The following FOXP2 variants were observed in gnomAD, a reference collection of about 807,000 sequenced individuals.
FOXP2 encodes forkhead box protein P2.
Under a neutral mutation model 115.8 loss-of-function variants are expected in FOXP2, and 12 were observed. The observed-to-expected ratio is 0.10, with a 90% CI of 0.07 to 0.17. The LOEUF (loss-of-function observed/expected upper bound fraction) is 0.17, where lower values mean the gene tolerates loss of function less well. Among genes scored for constraint, FOXP2 ranks in the 10% least tolerant of loss-of-function variants. FOXP2 has a pLI of 1.00. For synonymous variants in FOXP2, 328 were observed against 297.7 expected, an observed-to-expected ratio of 1.10 and a Z score of -1.05; for missense variants, 629 against 843.5, an observed-to-expected ratio of 0.75 and a Z score of 3.15.
intron 1 of FOXP2, among the ~76,000 whole-genome samples, chr7:114,415,656 G>A (rs1047930566): frequency 4.0e-5 from 6 of 151,864 alleles, no homozygotes; most frequent in African/African-American, 1.5e-4. Flanking sequence ...ATCTTGAGAA[G>A]AATAAAGACA....
chr7:114,216,690 T>C (rs1016694601), intron 1 of FOXP2, among the ~76,000 whole-genome samples: 2 of 152,130 alleles, frequency 1.3e-5, no homozygotes, highest in African/African-American at 4.8e-5. Flanking sequence ...TCTATGCTAT[T>C]CTATTGTGTG....
At chr7:114,639,507 T>C (rs1805407284) in intron 6 of FOXP2, among the ~76,000 whole-genome samples, 1 of 146,432 alleles carries the variant, frequency 6.8e-6, no homozygotes, top group Non-Finnish European at 1.5e-5. Flanking sequence ...TTAAATGGTT[T>C]CAGAAACTGT....
At chr7:114,088,183 G>A (rs1799464393) in intron 1 of FOXP2, 1 of 147,718 alleles carries the variant, frequency 6.8e-6, no homozygotes, top group African/African-American at 2.5e-5. Context: ...AATCCAGTAA[G>A]TTTCTTGATC....
intron 1 of FOXP2, among the ~76,000 whole-genome samples, chr7:114,271,350 T>C (rs1251028587): frequency 6.6e-6 from 1 of 150,484 alleles, no homozygotes; most frequent in Non-Finnish European, 1.5e-5. Flanking sequence ...CATGCTTGCC[T>C]TGCAATGGAT....
At chr7:114,120,512 A>G (rs1353233714) in intron 1 of FOXP2, among the ~76,000 whole-genome samples, 1 of 152,124 alleles carries the variant, frequency 6.6e-6, no homozygotes, top group Admixed American at 6.6e-5. Flanking sequence ...AAGCTGCCAC[A>G]GTAATCCATG....
At chr7:114,347,401 C>G (rs962251912) in intron 2 of FOXP2, among the ~76,000 whole-genome samples, 14 of 152,038 alleles carry the variant, frequency 9.2e-5, no homozygotes, top group Non-Finnish European at 1.8e-4. Context: ...CACATTCTCA[C>G]TCATTTTTGC....
At chr7:114,625,607 T>A (rs768228829) in intron 3 of FOXP2, among the ~76,000 whole-genome samples, 9 of 151,716 alleles carry the variant, frequency 5.9e-5, no homozygotes, top group Non-Finnish European at 3.0e-5. Context: ...AGCAAGTAAA[T>A]GAAATGGGAC....
chr7:114,659,309 T>C (rs1806752281), intron 11 of FOXP2, 47 bp from the exon 12 acceptor site: 6 of 1,296,048 alleles, frequency 4.6e-6, no homozygotes, highest in Non-Finnish European at 1.1e-6. Context: ...CAATTATATA[T>C]AATGTGAATT....
intron 2 of FOXP2, among the ~76,000 whole-genome samples, chr7:114,518,487 C>A (rs555931563): frequency 6.6e-6 from 1 of 151,776 alleles, no homozygotes; most frequent in Admixed American, 6.6e-5. Flanking sequence ...CAGTAACAGC[C>A]CTTTGACCCA....
At chr7:114,261,182 C>A (rs1452749281) in intron 1 of FOXP2, among the ~76,000 whole-genome samples, 1 of 152,122 alleles carries the variant, frequency 6.6e-6, no homozygotes, top group Non-Finnish European at 1.5e-5. Flanking sequence ...TCTCTTTGAG[C>A]TCATCAAATG....
intron 2 of FOXP2, among the ~76,000 whole-genome samples, chr7:114,364,665 T>C (rs532126467): frequency 3.5e-4 from 53 of 152,306 alleles, no homozygotes; most frequent in Middle Eastern, 3.4e-3. Flanking sequence ...TCTCATATAA[T>C]CTAATTAGTT....
At chr7:114,559,248 T>A (rs577155857) in intron 3 of FOXP2, among the ~76,000 whole-genome samples, 1 of 152,300 alleles carries the variant, frequency 6.6e-6, no homozygotes, top group South Asian at 2.1e-4. Flanking sequence ...ACATGAAAGA[T>A]ACTTGATTAG....
chr7:114,182,103 T>G (rs552395416), intron 1 of FOXP2, among the ~76,000 whole-genome samples: 1 of 152,216 alleles, frequency 6.6e-6, no homozygotes, highest in Admixed American at 6.5e-5. Context: ...CAAAAATATT[T>G]CATATATTTT....
intron 2 of FOXP2, among the ~76,000 whole-genome samples, chr7:114,291,985 A>AATATATATATTATAGATAATATATAGAAT (rs3997265): frequency 0.03 from 985 of 33,198 alleles, 56 homozygotes; most frequent in Non-Finnish European, 0.064. Flanking sequence ...TAATATATAG[A>AATATATATATTATAGATAATATATAGAAT]ATATATATTA....
intron 1 of FOXP2, among the ~76,000 whole-genome samples, chr7:114,145,431 T>TTTTTCCCTTTTCTTTTCTTTTC (rs1191856382): frequency 6.6e-4 from 66 of 100,444 alleles, no homozygotes; most frequent in Non-Finnish European, 1.2e-3. Flanking sequence ...GCTTTGCCAT[T>TTTTTCCCTTTTCTTTTCTTTTC]TTTTCTTTTC....
intron 2 of FOXP2, among the ~76,000 whole-genome samples, chr7:114,329,148 A>G (rs548050846): frequency 6.6e-6 from 1 of 152,186 alleles, no homozygotes; most frequent in African/African-American, 2.4e-5. Flanking sequence ...AGTTATTTTG[A>G]AAAATAAATA....
chr7:114,564,850 C>T (rs1800927112), intron 3 of FOXP2, among the ~76,000 whole-genome samples: 1 of 146,120 alleles, frequency 6.8e-6, no homozygotes, highest in Non-Finnish European at 1.5e-5. Flanking sequence ...CACTGCACTC[C>T]AGCCTTGGCA....
intron 2 of FOXP2, among the ~76,000 whole-genome samples, chr7:114,390,390 G>A (rs1013638859): frequency 6.6e-6 from 1 of 152,046 alleles, no homozygotes; most frequent in Non-Finnish European, 1.5e-5. Flanking sequence ...GAAGACTTGA[G>A]TTGAGAGTAT....
At chr7:114,327,618 C>T (rs1645710563) in intron 2 of FOXP2, among the ~76,000 whole-genome samples, 1 of 151,790 alleles carries the variant, frequency 6.6e-6, no homozygotes, top group African/African-American at 2.4e-5. Context: ...TCTCCTGCCT[C>T]AGCCTCCTGA....
Sources: allele counts gnomAD v4.1 joint callset (sites outside exome capture counted in the v4.1 genomes callset), GRCh38; gene constraint gnomAD v4.1.1; transcripts MANE v1.5; gene names NCBI Gene and HGNC (gene_info 2026-07-23, HGNC 2026-07-21).